NR3C2: variants seen among roughly 807,000 people sequenced by gnomAD.
The protein encoded by NR3C2 is nuclear receptor subfamily 3 group C member 2.
A neutral mutation model predicts 86.4 loss-of-function variants in NR3C2; 15 were observed. The observed-to-expected ratio is 0.17, with a 90% CI of 0.12 to 0.27. The LOEUF (loss-of-function observed/expected upper bound fraction) is 0.27. Among genes scored for constraint, NR3C2 ranks in the 10% least tolerant of loss-of-function variants. NR3C2 has a pLI of 1.00. For missense variants in NR3C2, 960 were observed against 1,195.6 expected, an observed-to-expected ratio of 0.80 and a Z score of 2.91; for synonymous variants, 458 against 450.5, an observed-to-expected ratio of 1.02 and a Z score of -0.21.
intron 1 of NR3C2, among the ~76,000 whole-genome samples, chr4:148,438,755 T>G (rs1750193885): frequency 6.6e-6 from 1 of 152,140 alleles, no homozygotes; most frequent in African/African-American, 2.4e-5. Context: ...ATGAAGAAAT[T>G]TAATGTCCAA....
rs1339170732 is a variant in NR3C2, at chr4:148,080,969, C to T, written c.*375G>A. 8.8e-5 allele frequency: 29 copies of T among 329,228 alleles called. No individual in the cohort carries two copies. The highest frequency in any genetic ancestry group is 7.1e-4 in the South Asian group (27 of 37,954). 20.4% of individuals were successfully genotyped at this position (329,228 alleles called of 1,614,324 possible). ...AACCAAGGGTAAGCTTTAAAACGTT[C>T]GTTAGTCCTTGAACCCTTTTAAAAC... On this transcript the variant is annotated 3_prime_UTR_variant, in exon 9 of 9. Coordinates refer to ENST00000358102, the MANE Select transcript of NR3C2 (RefSeq NM_000901.5).
chr4:148,354,702 A>T (rs1386338091), intron 2 of NR3C2, among the ~76,000 whole-genome samples: 1 of 152,202 alleles, frequency 6.6e-6, no homozygotes, highest in Non-Finnish European at 1.5e-5. Flanking sequence ...TTTAAAATAC[A>T]GATTTTTTCA....
At chr4:148,293,110 TTG>T (rs1741875204) in intron 2 of NR3C2, among the ~76,000 whole-genome samples, 1 of 152,168 alleles carries the variant, frequency 6.6e-6, no homozygotes, top group Non-Finnish European at 1.5e-5. Context: ...TGGCAAGCAT[TTG>T]TCTCTTTTTA....
At chr4:148,230,538 A>G (rs1738408209) in intron 3 of NR3C2, among the ~76,000 whole-genome samples, 1 of 152,146 alleles carries the variant, frequency 6.6e-6, no homozygotes, top group African/African-American at 2.4e-5. Flanking sequence ...GTATTAGCCA[A>G]TCCTGATAGC....
At chr4:148,244,117 A>G (rs1241005754) in intron 3 of NR3C2, among the ~76,000 whole-genome samples, 1 of 152,214 alleles carries the variant, frequency 6.6e-6, no homozygotes, top group African/African-American at 2.4e-5. Context: ...GATGGTGCCT[A>G]TGATCCTATC....
chr4:148,356,428 T>C (rs757061655), intron 2 of NR3C2, among the ~76,000 whole-genome samples: 1 of 152,218 alleles, frequency 6.6e-6, no homozygotes, highest in African/African-American at 2.4e-5. Flanking sequence ...CAGACATCTG[T>C]GAAATAGACA....
rs548862434 is a variant in NR3C2, at chr4:148,256,690, T to G, written c.1897+3288A>C. ...CTTTTTTTAAGTTATTATTATTTCT[T>G]TAAGACAGGAAGGTTCTGAAAATCT... On this transcript the variant is annotated intron_variant, in intron 3 of 8. Coordinates refer to ENST00000358102, the MANE Select transcript of NR3C2 (RefSeq NM_000901.5). Among the ~76,000 whole-genome samples the G allele has an allele frequency of 8.9e-4, 135 of 152,176 alleles. 1 individual carries two copies. The highest frequency in any genetic ancestry group is 1.6e-3 in the Non-Finnish European group (109 of 68,044).
At chr4:148,171,822 G>A (rs1735142135) in intron 4 of NR3C2, among the ~76,000 whole-genome samples, 1 of 152,134 alleles carries the variant, frequency 6.6e-6, no homozygotes, top group African/African-American at 2.4e-5. Context: ...ACACAGCACT[G>A]CTTATTTCCA....
chr4:148,383,167 CAT>C (rs748289876), intron 2 of NR3C2, among the ~76,000 whole-genome samples: 52 of 152,260 alleles, frequency 3.4e-4, no homozygotes, highest in Middle Eastern at 3.4e-3. Context: ...CATCACACTA[CAT>C]GTTTCATTAT....
At chr4:148,341,536 G>C (rs1401355581) in intron 2 of NR3C2, among the ~76,000 whole-genome samples, 2 of 152,112 alleles carry the variant, frequency 1.3e-5, no homozygotes, top group Non-Finnish European at 2.9e-5. Flanking sequence ...CCTAGTGTTT[G>C]AAAGCACAGT....
chr4:148,146,662 G>A (rs1452920389), intron 6 of NR3C2: 1 of 152,262 alleles, frequency 6.6e-6, no homozygotes, highest in Non-Finnish European at 1.5e-5. Flanking sequence ...TGGTGTGGGT[G>A]GAAGTCACCT....
chr4:148,156,812 T>C (rs184910325), intron 4 of NR3C2, among the ~76,000 whole-genome samples: 92 of 152,162 alleles, frequency 6.0e-4, no homozygotes, highest in Middle Eastern at 3.4e-3. Context: ...TGGGTATATA[T>C]CCAAAGGACT....
At chr4:148,266,525 A>G (rs1740406104) in intron 2 of NR3C2, among the ~76,000 whole-genome samples, 1 of 152,182 alleles carries the variant, frequency 6.6e-6, no homozygotes, top group Non-Finnish European at 1.5e-5. Flanking sequence ...AATGTAGTCA[A>G]TAAGGAGGAA....
At chr4:148,321,678 T>G (rs9761994) in intron 2 of NR3C2, among the ~76,000 whole-genome samples, 26,851 of 151,998 alleles carry the variant, frequency 0.18, 2,713 homozygotes, top group African/African-American at 0.28. Context: ...AAAGTCTGTT[T>G]TATCAGAGAC....
At chr4:148,323,414 G>A (rs373321852) in intron 2 of NR3C2, among the ~76,000 whole-genome samples, 6 of 146,606 alleles carry the variant, frequency 4.1e-5, no homozygotes, top group African/African-American at 1.6e-4. Context: ...CACCCAGTTC[G>A]AGCTTCCTGG....
At chr4:148,138,285 G>A (rs1230272391) in intron 6 of NR3C2, among the ~76,000 whole-genome samples, 1 of 152,192 alleles carries the variant, frequency 6.6e-6, no homozygotes, top group Non-Finnish European at 1.5e-5. Context: ...AAGAAAAACA[G>A]ATACGGAGAA....
intron 2 of NR3C2, among the ~76,000 whole-genome samples, chr4:148,271,850 T>C (rs1300436789): frequency 6.6e-6 from 1 of 152,196 alleles, no homozygotes; most frequent in Non-Finnish European, 1.5e-5. Context: ...AAAGAACTAA[T>C]CAGGGCCTGG....
intron 6 of NR3C2, among the ~76,000 whole-genome samples, chr4:148,134,643 C>CTTTTTTTTT (rs1175816621): frequency 1.5e-4 from 6 of 40,808 alleles, no homozygotes; most frequent in Admixed American, 3.3e-4. Context: ...CTCTCTCTCT[C>CTTTTTTTTT]TTTTTTTTTT....
chr4:148,280,475 T>C (rs982624713), intron 2 of NR3C2, among the ~76,000 whole-genome samples: 1 of 152,100 alleles, frequency 6.6e-6, no homozygotes, highest in Non-Finnish European at 1.5e-5. Context: ...TGCCTTAGCA[T>C]ATCAAGTATG....
Sources: allele counts gnomAD v4.1 joint callset (sites outside exome capture counted in the v4.1 genomes callset), GRCh38; gene constraint gnomAD v4.1.1; transcripts MANE v1.5; gene names NCBI Gene and HGNC (gene_info 2026-07-23, HGNC 2026-07-21).